Variants in TSC2 observed in about 807,000 individuals in gnomAD.
TSC2 encodes the protein TSC complex subunit 2.
TSC2 carries 29 observed loss-of-function variants against 202.2 expected under a neutral mutation model. The ratio of observed to expected loss-of-function variants is 0.14; its 90% CI spans 0.11 to 0.20. The LOEUF is 0.20. Ranked by LOEUF, TSC2 falls within the 10% of genes least tolerant of loss-of-function variation. The pLI, the probability that TSC2 is intolerant of heterozygous loss-of-function variation, is 1.00. For synonymous variants in TSC2, 1,349 were observed against 1,044.0 expected, an observed-to-expected ratio of 1.29 and a Z score of -5.63; for missense variants, 2,429 against 2,420.0, an observed-to-expected ratio of 1.00 and a Z score of -0.08.
intron 11 of TSC2, 81 bp from the exon 12 acceptor site, chr16:2,061,790 G>C (rs2151152241): frequency 4.3e-6 from 7 of 1,609,742 alleles, no homozygotes; most frequent in Non-Finnish European, 5.9e-6. Context: ...TCTCCATGCG[G>C]TGGGTGTGTA....
rs1173646376 is a variant in TSC2 at position 2,071,724 on chromosome 16, C to T, written c.1947-60C>T. 4 of 1,595,000 alleles carry T rather than the reference C, an allele frequency of 2.5e-6. No homozygotes were observed. In the African/African-American group the frequency reaches 4.0e-5, roughly 16 times the overall value. ...GGGATGTCCCAGGGTTGGGAAGAGC[C>T]AAGTCTGTTCCGTTCCTGCTGCGGG... On this transcript the variant is annotated intron_variant, in intron 18 of 41. Transcript: ENST00000219476.
At position 2,048,056 on chromosome 16, in the gene TSC2, G is replaced by A; in HGVS notation, c.-39G>A. On this transcript the variant is annotated 5_prime_UTR_variant, in exon 1 of 42. Coordinates refer to ENST00000219476, the MANE Select transcript of TSC2 (RefSeq NM_000548.5). ...TCGGGGCGGCCCGGAGCGCGGTGGC[G>A]CGGCGCGGGGTAAGTGGCGGTCCCC... 2 of 1,424,164 alleles carry A rather than the reference G, an allele frequency of 1.4e-6. No homozygotes were observed. The highest frequency in any genetic ancestry group is 1.8e-6 in the Non-Finnish European group (2 of 1,096,428). 88.2% of individuals were successfully genotyped at this position (1,424,164 alleles called of 1,614,324 possible).
Position 2,063,047 on chromosome 16 carries a change from C to T in TSC2, c.1437C>T (p.Phe479=), listed in dbSNP as rs2086832508. 1 of 1,551,408 alleles carries T rather than the reference C, an allele frequency of 6.4e-7. No individual in the cohort carries two copies. ...LSFVLLINRQ[F]YEEELINSVV... is the part of the protein sequence containing the mutation. ...TTGTGCTGCTCATCAACAGGCAGTT[C>T]TATGAGGTGCGTGTCCAGGCGGCCG... Residue 479 remains phenylalanine, a synonymous_variant, in exon 14 of 42, where the codon TTC becomes TTT. Coordinates refer to ENST00000219476, the MANE Select transcript of TSC2 (RefSeq NM_000548.5).
In TSC2 at chr16:2,047,996, C is replaced by T; in HGVS notation, c.-99C>T. On this transcript the variant is annotated 5_prime_UTR_variant, in exon 1 of 42. Coordinates refer to ENST00000219476, the MANE Select transcript of TSC2 (RefSeq NM_000548.5). ...GAAGTGCGGGTCGCGCTTCCGGCGGCGTCCCGGGGCCAGGGGGGTGCGCCT... is the reference window on the plus strand; with the variant it reads ...GAAGTGCGGGTCGCGCTTCCGGCGGTGTCCCGGGGCCAGGGGGGTGCGCCT... The T allele has an allele frequency of 2.7e-6, 4 of 1,507,818 alleles. No homozygotes were observed. Among genetic ancestry groups the T allele is most frequent in the Non-Finnish European group, 2.7e-6 (3 of 1,130,384 alleles). 93.4% of individuals were successfully genotyped at this position (1,507,818 alleles called of 1,614,324 possible).
Position 2,084,999 on chromosome 16 carries a change from A to C in TSC2, c.4542A>C (p.Ser1514=). ...ATTCCCCCTTCTTTGGCGACGAGTC[A>C]AACAAGCCAATCCTGCTGCCCAATG... ...LYHSPFFGDE[S]NKPILLPNES... Residue 1514 remains serine (S), a synonymous_variant, in exon 35 of 42, where the codon TCA becomes TCC. Transcript: ENST00000219476. The C allele has an allele frequency of 6.2e-7, 1 of 1,613,300 alleles. No individual in the cohort carries two copies. Among genetic ancestry groups the C allele is most frequent in the Non-Finnish European group, 8.5e-7 (1 of 1,179,976 alleles).
rs768787639 is a variant in TSC2, at chr16:2,074,400, G to T, written c.2545+11G>T. On this transcript the variant is annotated intron_variant, in intron 22 of 41. Transcript: ENST00000219476. Reference sequence around the variant, plus strand: ...TGGAGTTCCTGTCCAGTGAGTCCCCGCCCTGCCTGCGCATGCACCCGAGAG... The same window carrying T: ...TGGAGTTCCTGTCCAGTGAGTCCCCTCCCTGCCTGCGCATGCACCCGAGAG... 1 of 1,608,232 alleles carries T rather than the reference G, an allele frequency of 6.2e-7. No homozygotes were observed. The highest frequency in any genetic ancestry group is 1.7e-5 in the Admixed American group (1 of 60,014).
At chr16:2,055,288 T>G in intron 5 of TSC2, 114 bp from the exon 6 acceptor site, 1 of 846,582 alleles carries the variant, frequency 1.2e-6, no homozygotes, top group Non-Finnish European at 2.0e-6. Flanking sequence ...GGGGGACTGA[T>G]GATGGGGTTT....
Position 2,083,736 on chromosome 16 carries a change from C to T in TSC2, c.3925C>T (p.Pro1309Ser), listed in dbSNP as rs1049538280. The change falls in exon 33 of 42, where the codon CCT becomes TCT. Residue 1309 changes from proline to serine, a missense_variant. Pro to Ser is a moderately conservative substitution (Grantham distance 74). Coordinates refer to ENST00000219476, the MANE Select transcript of TSC2 (RefSeq NM_000548.5). The stretch of plus-strand genomic sequence containing the variant: ...GGAGGAGGGAAGTCCGGGCGAGGTT[C>T]CTGTGCTGGTGGAGCCCCCAGGGTT... The part of the protein sequence containing the change: ...VMEEGSPGEV[P>S]VLVEPPGLED... 1 of 1,604,746 alleles carries T rather than the reference C, an allele frequency of 6.2e-7. No homozygotes were observed. The highest frequency in any genetic ancestry group is 1.1e-5 in the South Asian group (1 of 89,186).
At chr16:2,050,248 C>T (rs78318042) in intron 2 of TSC2, 152 bp from the exon 3 acceptor site, 24 of 791,548 alleles carry the variant, frequency 3.0e-5, no homozygotes, top group East Asian at 1.4e-4. Flanking sequence ...TGAGCCACCG[C>T]GGCTCGTCAA....
rs2089951021 is a variant in TSC2, at chr16:2,080,157, T to G, written c.3398-8T>G. On this transcript the variant is annotated splice_polypyrimidine_tract_variant and splice_region_variant and intron_variant, in intron 29 of 41. Coordinates refer to ENST00000219476, the MANE Select transcript of TSC2 (RefSeq NM_000548.5). ...TGGTGGTCACCAGTCCTCTGCCCTC[T>G]TCTTCAGGGGGCCATGGTCTTCGAG... is the stretch of plus-strand genomic sequence containing the variant. 1 of 1,612,756 alleles carries G rather than the reference T, an allele frequency of 6.2e-7. No individual in the cohort carries two copies. The highest frequency in any genetic ancestry group is 1.7e-5 in the Admixed American group (1 of 60,012).
intron 16 of TSC2, chr16:2,066,429 C>T (rs2087365499): frequency 1.3e-5 from 2 of 152,264 alleles, no homozygotes; most frequent in South Asian, 2.1e-4. Context: ...GACATTTGGC[C>T]TGTGTCCGCC....
Position 2,050,409 on chromosome 16 carries a change from A to T in TSC2, c.148A>T (p.Met50Leu), listed in dbSNP as rs140618379. 2 of 1,613,904 alleles carry T rather than the reference A, an allele frequency of 1.2e-6. No individual in the cohort carries two copies. The highest frequency in any genetic ancestry group is 1.7e-6 in the Non-Finnish European group (2 of 1,179,926). The part of the protein sequence containing the change: ...ITAEILRELS[M>L]ECGLNNRIRM... The stretch of plus-strand genomic sequence containing the variant: ...TTTCATCTCTCTCCAGGAACTGAGC[A>T]TGGAATGTGGCCTCAACAATCGCAT... Residue 50 changes from methionine (M) to leucine (L), a missense_variant, in exon 3 of 42, where the codon ATG becomes TTG. Coordinates refer to ENST00000219476, the MANE Select transcript of TSC2 (RefSeq NM_000548.5).
At position 2,088,461 on chromosome 16, in the gene TSC2, G is replaced by A. The variant is rs758450326; in HGVS notation, c.5275G>A (p.Ala1759Thr). The change falls in exon 42 of 42, where the codon GCC becomes ACC. Residue 1759 changes from alanine (A) to threonine (T), a missense_variant. By Grantham distance (58) the Ala-to-Thr change is moderately conservative. Coordinates refer to ENST00000219476, the MANE Select transcript of TSC2 (RefSeq NM_000548.5). The stretch of plus-strand genomic sequence containing the variant: ...CTGCCTTCAGATCTGCGAGGAAGCC[G>A]CCTACTCCAACCCCAGCCTACCTCT... ...RLRQRICEEA[A>T]YSNPSLPLVH... is the part of the protein sequence containing the mutation. The A allele has an allele frequency of 4.0e-5, 64 of 1,612,640 alleles. No individual in the cohort carries two copies. Among genetic ancestry groups the A allele is most frequent in the South Asian group, 1.8e-4 (16 of 91,086 alleles).
intron 11 of TSC2, 191 bp from the exon 12 acceptor site, chr16:2,061,680 G>T (rs1247337914): frequency 4.5e-6 from 4 of 896,854 alleles, no homozygotes; most frequent in Non-Finnish European, 7.0e-6. Flanking sequence ...CCCTGGAGAG[G>T]ATCTGGGGGT....
rs755559677 is a variant in TSC2 at position 2,080,342 on chromosome 16, A to G, written c.3575A>G (p.Gln1192Arg). The G allele has an allele frequency of 1.2e-6, 2 of 1,612,436 alleles. No individual in the cohort carries two copies. Among genetic ancestry groups the G allele is most frequent in the Non-Finnish European group, 1.7e-6 (2 of 1,179,972 alleles). ...NLAAYVPLLTQGWAEILVRRP... is the reference protein window; with the variant it reads ...NLAAYVPLLTRGWAEILVRRP... Reference sequence around the variant, plus strand: ...GCGGCCTATGTGCCCCTGCTGACCCAGGGCTGGGCGGAGATCCTGGTCCGG... The same window carrying G: ...GCGGCCTATGTGCCCCTGCTGACCCGGGGCTGGGCGGAGATCCTGGTCCGG... The change falls in exon 30 of 42, where the codon CAG (glutamine) becomes CGG (arginine). Residue 1192 changes from glutamine to arginine, a missense_variant. Gln to Arg is a conservative substitution (Grantham distance 43). Transcript: ENST00000219476.
intron 10 of TSC2, among the ~76,000 whole-genome samples, chr16:2,059,494 A>C (rs143415236): frequency 1.5e-5 from 2 of 131,468 alleles, no homozygotes; most frequent in African/African-American, 5.9e-5. Flanking sequence ...TGCCTGCCAC[A>C]GTGCCTGGCT....
chr16:2,055,890 C>CAAAAAAAA, intron 6 of TSC2: 5 of 265,174 alleles, frequency 1.9e-5, no homozygotes, highest in Admixed American at 6.3e-5. Context: ...AACTCCATCT[C>CAAAAAAAA]AAAAAAAAAA....
intron 21 of TSC2, 114 bp downstream of exon 21, chr16:2,073,097 T>G: frequency 6.6e-7 from 1 of 1,524,560 alleles, no homozygotes; most frequent in Non-Finnish European, 8.9e-7. Context: ...CAGGGATGAG[T>G]GAGTTGGCTC....
rs45454398 is a variant in TSC2 at position 2,071,511 on chromosome 16, C to G, written c.1841C>G (p.Ala614Gly). 6.2e-7 allele frequency: 1 copy of G among 1,613,572 alleles called. No individual in the cohort carries two copies. Among genetic ancestry groups the G allele is most frequent in the Non-Finnish European group, 8.5e-7 (1 of 1,179,998 alleles). The stretch of plus-strand genomic sequence containing the variant: ...CTTTCACCATCCTCTTCCTGACAGG[C>G]CTTTGACTTCCTGTTGCTGCTGCGG... ...LPIASSIRLQ[A>G]FDFLLLLRAD... is the part of the protein sequence containing the mutation. The change falls in exon 18 of 42, where the codon GCC becomes GGC. Residue 614 changes from alanine to glycine, a missense_variant and splice_region_variant. Physicochemically the swap from Ala to Gly is moderately conservative, Grantham distance 60 (BLOSUM62 0). Coordinates refer to ENST00000219476, the MANE Select transcript of TSC2 (RefSeq NM_000548.5).
Sources: gnomAD v4.1 joint callset for allele counts (sites outside exome capture counted in the v4.1 genomes callset) on GRCh38, gnomAD v4.1.1 for gene constraint, MANE v1.5 for transcripts, NCBI Gene and HGNC (gene_info 2026-07-23, HGNC 2026-07-21) for gene names.